The following SH3RF3 variants were observed in gnomAD, a reference collection of about 807,000 sequenced individuals.
The protein encoded by SH3RF3 is SH3 domain containing ring finger 3, also known as E3 ubiquitin-protein ligase SH3RF3.
A neutral mutation model predicts 66.3 loss-of-function variants in SH3RF3; 29 were observed. That is an observed-to-expected ratio of 0.44 (90% confidence interval 0.33 to 0.60). The LOEUF is 0.60. SH3RF3 is among the 20% of genes least tolerant of loss of function. The pLI is 0.04. For missense variants in SH3RF3, 1,194 were observed against 1,190.9 expected, an observed-to-expected ratio of 1.00 and a Z score of -0.04; for synonymous variants, 583 against 532.0, an observed-to-expected ratio of 1.10 and a Z score of -1.32.
intron 8 of SH3RF3, among the ~76,000 whole-genome samples, chr2:109,483,895 C>T (rs938506599): frequency 5.3e-5 from 8 of 152,088 alleles, no homozygotes; most frequent in African/African-American, 1.7e-4. Flanking sequence ...AGCACCTCTG[C>T]AGCCAGGGCC....
At chr2:109,453,012 T>G (rs1677931664) in intron 8 of SH3RF3, among the ~76,000 whole-genome samples, 1 of 151,712 alleles carries the variant, frequency 6.6e-6, no homozygotes, top group African/African-American at 2.4e-5. Context: ...CCCGGGAAAC[T>G]GGTCCCCGGG....
In SH3RF3 at chr2:109,408,182, C is replaced by T. The variant is rs946935091; in HGVS notation, c.1299+9239C>T. 5.9e-5 allele frequency among the ~76,000 whole-genome samples: 9 copies of T among 152,276 alleles called. No individual in the cohort carries two copies. In the East Asian group the frequency reaches 1.5e-3, roughly 26 times the overall value. Reference sequence around the variant, plus strand: ...CAGAGGGTTGTTCATGAATGCCCACCGGTAGGCCCCATGGGACCCACCAGG... The same window carrying T: ...CAGAGGGTTGTTCATGAATGCCCACTGGTAGGCCCCATGGGACCCACCAGG... On this transcript the variant is annotated intron_variant, in intron 4 of 9. Coordinates refer to ENST00000309415, the MANE Select transcript of SH3RF3 (RefSeq NM_001099289.3).
chr2:109,365,689 G>A (rs1256156632), intron 2 of SH3RF3, among the ~76,000 whole-genome samples: 1 of 152,082 alleles, frequency 6.6e-6, no homozygotes, highest in Non-Finnish European at 1.5e-5. Flanking sequence ...CACAGACACT[G>A]TTTTATTTCA....
chr2:109,373,943 G>A (rs1683328951), intron 3 of SH3RF3, among the ~76,000 whole-genome samples: 1 of 151,750 alleles, frequency 6.6e-6, no homozygotes, highest in South Asian at 2.1e-4. Context: ...ACCCAGTCCA[G>A]CAGGCTCTCT....
chr2:109,135,446 G>A (rs1245750333), intron 1 of SH3RF3, among the ~76,000 whole-genome samples: 3 of 152,190 alleles, frequency 2.0e-5, no homozygotes, highest in Non-Finnish European at 4.4e-5. Context: ...GTGAATTAGG[G>A]ATGCTATCTG....
chr2:109,333,200 T>TA (rs922490176), intron 1 of SH3RF3, among the ~76,000 whole-genome samples: 18 of 152,230 alleles, frequency 1.2e-4, no homozygotes, highest in African/African-American at 4.3e-4. Flanking sequence ...ATGATGGACT[T>TA]ACCTGTATCT....
intron 2 of SH3RF3, among the ~76,000 whole-genome samples, chr2:109,358,666 G>A (rs990212466): frequency 6.6e-6 from 1 of 152,110 alleles, no homozygotes; most frequent in African/African-American, 2.4e-5. Context: ...AGAGTTTTTT[G>A]TGTATTTTGC....
intron 8 of SH3RF3, among the ~76,000 whole-genome samples, chr2:109,452,915 G>C (rs1385400138): frequency 2.7e-5 from 4 of 146,596 alleles, no homozygotes; most frequent in Non-Finnish European, 4.5e-5. Flanking sequence ...GGAGGCTGGT[G>C]CCAGGAGGCT....
At chr2:109,395,645 C>A (rs1278885763) in intron 3 of SH3RF3, among the ~76,000 whole-genome samples, 11 of 152,354 alleles carry the variant, frequency 7.2e-5, no homozygotes, top group Non-Finnish European at 1.3e-4. Flanking sequence ...CACTCTCTGT[C>A]TCCGCCGTGA....
chr2:109,292,659 C>T (rs1054415525), intron 1 of SH3RF3, among the ~76,000 whole-genome samples: 1 of 152,156 alleles, frequency 6.6e-6, no homozygotes, highest in South Asian at 2.1e-4. Context: ...CCTAGAAAAG[C>T]GTCTTTTTGG....
chr2:109,375,931 G>A (rs1250974206), intron 3 of SH3RF3, among the ~76,000 whole-genome samples: 5 of 152,234 alleles, frequency 3.3e-5, no homozygotes, highest in Admixed American at 6.5e-5. Flanking sequence ...TACATCACCT[G>A]CACATTGGGG....
intron 3 of SH3RF3, among the ~76,000 whole-genome samples, chr2:109,380,985 T>A (rs1350534870): frequency 6.6e-6 from 1 of 152,208 alleles, no homozygotes; most frequent in Non-Finnish European, 1.5e-5. Flanking sequence ...TTGCCGACTG[T>A]TTTGGTAACT....
intron 8 of SH3RF3, among the ~76,000 whole-genome samples, chr2:109,482,244 G>A (rs921999912): frequency 6.6e-5 from 10 of 152,056 alleles, no homozygotes; most frequent in African/African-American, 2.4e-4. Context: ...GACAGTGCCC[G>A]GCTCATAGTC....
chr2:109,382,832 C>A (rs1476147527), intron 3 of SH3RF3, among the ~76,000 whole-genome samples: 2 of 152,238 alleles, frequency 1.3e-5, no homozygotes, highest in Admixed American at 6.5e-5. Flanking sequence ...ATTCCTAGTG[C>A]AGAGACATTT....
chr2:109,334,518 G>A (rs950391193), intron 1 of SH3RF3, among the ~76,000 whole-genome samples: 3 of 152,168 alleles, frequency 2.0e-5, no homozygotes, highest in African/African-American at 7.2e-5. Flanking sequence ...TTGGCTAAAG[G>A]AAGGGTGCTA....
At chr2:109,430,677 T>A (rs1677183955) in intron 5 of SH3RF3, among the ~76,000 whole-genome samples, 1 of 152,244 alleles carries the variant, frequency 6.6e-6, no homozygotes, top group African/African-American at 2.4e-5. Flanking sequence ...GTATTTCCTC[T>A]ATGGTGATGG....
chr2:109,217,747 A>G (rs1028513429), intron 1 of SH3RF3, among the ~76,000 whole-genome samples: 1 of 152,044 alleles, frequency 6.6e-6, no homozygotes, highest in Non-Finnish European at 1.5e-5. Flanking sequence ...AACTATGGCC[A>G]CTCAACTAAT....
chr2:109,348,018 C>A (rs997300426), intron 2 of SH3RF3, 69 bp downstream of exon 2: 10 of 1,518,960 alleles, frequency 6.6e-6, no homozygotes, highest in Non-Finnish European at 7.1e-6. Flanking sequence ...CTCTTCCCAG[C>A]CACAGACCTA....
intron 3 of SH3RF3, among the ~76,000 whole-genome samples, chr2:109,382,865 C>A (rs1675733482): frequency 6.6e-6 from 1 of 152,196 alleles, no homozygotes; most frequent in Non-Finnish European, 1.5e-5. Flanking sequence ...ATGAACCCTG[C>A]CCCAATCTGA....
Sources: allele counts gnomAD v4.1 joint callset (sites outside exome capture counted in the v4.1 genomes callset), GRCh38; gene constraint gnomAD v4.1.1; transcripts MANE v1.5; gene names NCBI Gene and HGNC (gene_info 2026-07-23, HGNC 2026-07-21).